Variants in ATP2C1 observed in about 807,000 individuals in gnomAD.
ATP2C1 encodes ATPase secretory pathway Ca2+ transporting 1, also known as calcium-transporting ATPase type 2C member 1.
ATP2C1 carries 31 observed loss-of-function variants against 120.5 expected under a neutral mutation model. The ratio of observed to expected loss-of-function variants is 0.26; its 90% CI spans 0.19 to 0.35. ATP2C1 has a LOEUF of 0.35. Ranked by LOEUF, ATP2C1 falls within the 10% of genes least tolerant of loss-of-function variation. The pLI, the probability that ATP2C1 is intolerant of heterozygous loss-of-function variation, is 1.00. For synonymous variants in ATP2C1, 351 were observed against 358.7 expected (o/e 0.98, Z 0.24); for missense variants, 731 against 1,107.5 (o/e 0.66, Z 4.83).
At chr3:130,919,915 G>A (rs1432584202) in intron 2 of ATP2C1, among the ~76,000 whole-genome samples, 3 of 152,146 alleles carry the variant, frequency 2.0e-5, no homozygotes, top group Non-Finnish European at 4.4e-5. Context: ...ATATTGTGTT[G>A]TGGTTTTGAT....
At chr3:130,938,333 T>C (rs2059756800) in intron 6 of ATP2C1, among the ~76,000 whole-genome samples, 2 of 152,234 alleles carry the variant, frequency 1.3e-5, no homozygotes. Flanking sequence ...TTAACAAGAA[T>C]AGAATTATTC....
At chr3:130,861,419 C>T (rs1263452332) in intron 1 of ATP2C1, among the ~76,000 whole-genome samples, 14 of 152,134 alleles carry the variant, frequency 9.2e-5, no homozygotes, top group East Asian at 1.9e-4. Context: ...AGTCAGAAGG[C>T]GTAAGAACTG....
chr3:130,914,557 C>CT (rs2058595071), intron 2 of ATP2C1: 1 of 152,284 alleles, frequency 6.6e-6, no homozygotes, highest in Non-Finnish European at 1.5e-5. Context: ...GTGTCTTTGT[C>CT]TTTTTTGGGG....
chr3:130,921,866 A>C (rs1381425757), intron 2 of ATP2C1, among the ~76,000 whole-genome samples: 1 of 152,158 alleles, frequency 6.6e-6, no homozygotes, highest in Non-Finnish European at 1.5e-5. Context: ...TCAGTTAGCT[A>C]GTATTTTGTT....
upstream of ATP2C1, among the ~76,000 whole-genome samples, chr3:130,889,688 C>G (rs904419250): frequency 1.4e-5 from 2 of 146,186 alleles, no homozygotes; most frequent in Admixed American, 1.4e-4. Context: ...CTCTGTCCCC[C>G]AGGCTGGAGT....
chr3:130,940,245 C>T (rs1307961707), intron 6 of ATP2C1, among the ~76,000 whole-genome samples: 2 of 152,142 alleles, frequency 1.3e-5, no homozygotes, highest in Admixed American at 1.3e-4. Flanking sequence ...ATGTTGTTTA[C>T]GGTTAATTAT....
chr3:130,969,160 A>G lies in ATP2C1; in HGVS notation c.1309-132A>G. On this transcript the variant is annotated intron_variant, in intron 16 of 27. Coordinates refer to ENST00000510168, the MANE Select transcript of ATP2C1 (RefSeq NM_001378687.1). ...AGGGAAGTACAGTATATATAGATGG[A>G]GCATTTACTATTTCACTATTAACTG... The G allele has an allele frequency of 1.0e-5, 7 of 699,630 alleles. No homozygotes were observed. In the South Asian group the frequency reaches 1.1e-4, roughly 11 times the overall value. 43.3% of individuals were successfully genotyped at this position (699,630 alleles called of 1,614,324 possible). A position where few individuals can be genotyped will look rare whatever the true frequency, so the allele number is the denominator to read the frequency against.
chr3:130,900,536 A>C (rs554994647), intron 2 of ATP2C1, among the ~76,000 whole-genome samples: 1 of 152,208 alleles, frequency 6.6e-6, no homozygotes, highest in Non-Finnish European at 1.5e-5. Flanking sequence ...ACTCAGAAAT[A>C]ATAAGTGGAA....
At chr3:130,935,057 T>G (rs923166962) in intron 5 of ATP2C1, among the ~76,000 whole-genome samples, 4 of 152,138 alleles carry the variant, frequency 2.6e-5, no homozygotes, top group African/African-American at 7.2e-5. Context: ...GGTCTTAAAC[T>G]CCTGGCTTCA....
chr3:130,869,455 A>AAAAAAAAAAC (rs2068354414), intron 1 of ATP2C1: 1 of 147,672 alleles, frequency 6.8e-6, no homozygotes, highest in African/African-American at 2.5e-5. Context: ...AAAAAAAAAA[A>AAAAAAAAAAC]AAAAGAAATG....
intron 1 of ATP2C1, among the ~76,000 whole-genome samples, chr3:130,873,273 A>C (rs2068493472): frequency 6.6e-6 from 1 of 152,258 alleles, no homozygotes; most frequent in Non-Finnish European, 1.5e-5. Flanking sequence ...TACCCAAGCC[A>C]AGATGGGTAT....
At chr3:130,970,947 C>A (rs527422483) in intron 17 of ATP2C1, among the ~76,000 whole-genome samples, 1 of 152,046 alleles carries the variant, frequency 6.6e-6, no homozygotes, top group Admixed American at 6.6e-5. Flanking sequence ...AAAAGATTTC[C>A]GTCTATTCTT....
intron 1 of ATP2C1, among the ~76,000 whole-genome samples, chr3:130,867,852 C>T (rs1249157281): frequency 6.8e-6 from 1 of 146,748 alleles, no homozygotes; most frequent in African/African-American, 2.5e-5. Context: ...CGAGGAGCGC[C>T]TCTTCCCCGC....
chr3:130,884,143 A>G (rs2068885093), intron 1 of ATP2C1, among the ~76,000 whole-genome samples: 1 of 150,414 alleles, frequency 6.6e-6, no homozygotes, highest in African/African-American at 2.4e-5. Flanking sequence ...GTTTCACGAC[A>G]TTGGCCAGGC....
At chr3:130,921,334 G>A (rs1450427177) in intron 2 of ATP2C1, among the ~76,000 whole-genome samples, 4 of 152,038 alleles carry the variant, frequency 2.6e-5, no homozygotes, top group African/African-American at 7.2e-5. Context: ...CGCCCACCTC[G>A]GCTTCCCAAA....
chr3:130,897,716 T>G (rs542407530), intron 2 of ATP2C1, among the ~76,000 whole-genome samples: 2 of 152,280 alleles, frequency 1.3e-5, no homozygotes, highest in South Asian at 4.1e-4. Flanking sequence ...TCTTCTGGAC[T>G]TTTTTCCTAG....
chr3:130,858,891 C>T (rs958296253), intron 1 of ATP2C1, among the ~76,000 whole-genome samples: 4 of 152,012 alleles, frequency 2.6e-5, no homozygotes, highest in African/African-American at 7.3e-5. Flanking sequence ...TGGGAGGTTC[C>T]GGAGGAAATA....
rs2061095203 is a variant in ATP2C1 at position 130,967,420 on chromosome 3, G to T, written c.1308+1G>T. On this transcript the variant is annotated splice_donor_variant, in intron 16 of 27. Coordinates refer to ENST00000510168, the MANE Select transcript of ATP2C1 (RefSeq NM_001378687.1). LOFTEE classifies it high-confidence loss of function. ...GGCCTTAATTGCTCTTGCAATGAAGGTACGTACCTAAATTTCTCTTCTTTG... is the reference window on the plus strand; with the variant it reads ...GGCCTTAATTGCTCTTGCAATGAAGTTACGTACCTAAATTTCTCTTCTTTG... 6.2e-7 allele frequency: 1 copy of T among 1,612,454 alleles called. No individual in the cohort carries two copies.
intron 1 of ATP2C1, among the ~76,000 whole-genome samples, chr3:130,884,935 T>TTC (rs1553747927): frequency 3.4e-5 from 5 of 148,256 alleles, no homozygotes; most frequent in African/African-American, 1.2e-4. Context: ...TCTTTCTTTT[T>TTC]TTTTTTTTTT....
Sources: gnomAD v4.1 joint callset for allele counts (sites outside exome capture counted in the v4.1 genomes callset) on GRCh38, gnomAD v4.1.1 for gene constraint, MANE v1.5 for transcripts, NCBI Gene and HGNC (gene_info 2026-07-23, HGNC 2026-07-21) for gene names.